PEMT: variants seen among roughly 807,000 people sequenced by gnomAD.
PEMT encodes the protein phospholipid methyltransferase.
A neutral mutation model predicts 27.4 loss-of-function variants in PEMT; 23 were observed. The observed-to-expected ratio is 0.84, with a 90% CI of 0.60 to 1.19. The LOEUF is 1.19. Among genes scored for constraint, PEMT ranks in the 50% most tolerant of loss-of-function variants. The pLI is 0.00. For synonymous variants in PEMT, 137 were observed against 139.1 expected (o/e 0.98, Z 0.11); for missense variants, 307 against 310.1 (o/e 0.99, Z 0.07).
intron 2 of PEMT, among the ~76,000 whole-genome samples, chr17:17,574,979 G>A (rs1217258131): frequency 6.6e-5 from 10 of 152,174 alleles, no homozygotes; most frequent in African/African-American, 2.4e-4. Context: ...CTTCCAGCAG[G>A]GGTCTTTGGC....
intron 3 of PEMT, among the ~76,000 whole-genome samples, chr17:17,519,386 G>C (rs548865452): frequency 6.6e-6 from 1 of 152,242 alleles, no homozygotes; most frequent in Non-Finnish European, 1.5e-5. Flanking sequence ...TCATGGCCCT[G>C]CTGGCTGGGC....
intron 2 of PEMT, chr17:17,565,130 T>G (rs1194121755): frequency 6.6e-6 from 1 of 152,376 alleles, no homozygotes; most frequent in Non-Finnish European, 1.5e-5. Context: ...ACCCTCCTAA[T>G]TGGCTACTTC....
At position 17,512,509 on chromosome 17, in the gene PEMT, C is replaced by A; in HGVS notation, c.466G>T (p.Gly156Cys). The change falls in exon 4 of 7, where the codon GGT becomes TGT. Residue 156 changes from glycine (G) to cysteine (C), a missense_variant and splice_region_variant. By Grantham distance (159) the Gly-to-Cys change is radical. Coordinates refer to ENST00000255389, the MANE Select transcript of PEMT (RefSeq NM_148172.3). This position sits in a 1 kb window ranked among gnomAD's most constrained non-coding sequence, Gnocchi z 6.3. The part of the protein sequence containing the change: ...FALGFAGTFL[G>C]DYFGILKEAR... Reference sequence around the variant, plus strand: ...GTCACCCCAGCCCTCAGGGTCTTACCTAGGAAAGTTCCAGCGAACCCCAGT... The same window carrying A: ...GTCACCCCAGCCCTCAGGGTCTTACATAGGAAAGTTCCAGCGAACCCCAGT... 2 of 1,595,814 alleles carry A rather than the reference C, an allele frequency of 1.3e-6. No individual in the cohort carries two copies. The highest frequency in any genetic ancestry group is 8.5e-7 in the Non-Finnish European group (1 of 1,170,038).
chr17:17,536,722 C>T (rs771315843), intron 2 of PEMT, among the ~76,000 whole-genome samples: 1 of 152,244 alleles, frequency 6.6e-6, no homozygotes, highest in Non-Finnish European at 1.5e-5. Flanking sequence ...GGGCCTGCTA[C>T]ACCTGCCCGT....
chr17:17,510,006 T>G (rs940683596), intron 4 of PEMT, among the ~76,000 whole-genome samples: 1 of 152,160 alleles, frequency 6.6e-6, no homozygotes, highest in Non-Finnish European at 1.5e-5. Flanking sequence ...CCTCTCCCTC[T>G]AGGGGCCTCA....
intron 2 of PEMT, among the ~76,000 whole-genome samples, chr17:17,549,892 T>C (rs1278868341): frequency 6.6e-6 from 1 of 152,100 alleles, no homozygotes; most frequent in Non-Finnish European, 1.5e-5. Flanking sequence ...ACACATTCAG[T>C]CCCTGCAAGT....
intron 1 of PEMT, among the ~76,000 whole-genome samples, chr17:17,588,663 C>T (rs1001828591): frequency 7.2e-5 from 11 of 152,244 alleles, no homozygotes; most frequent in African/African-American, 2.4e-4. Context: ...GAGACCTGGG[C>T]ATGTGCCCTT....
chr17:17,561,609 T>C lies in PEMT; in HGVS notation c.204+15311A>G, dbSNP rs1286123536. Among the ~76,000 whole-genome samples the C allele has an allele frequency of 1.3e-5, 2 of 152,116 alleles. No individual in the cohort carries two copies. The highest frequency in any genetic ancestry group is 2.1e-4 in the South Asian group (1 of 4,828). ...GGCACCATCCCGGCCCTTGCAACAG[T>C]GAGCCAGGCAGCTGTGCCTGGGTCA... On this transcript the variant is annotated intron_variant, in intron 2 of 6. Transcript: ENST00000255389. The surrounding 1 kb of genome is among the most constrained non-coding windows in gnomAD (Gnocchi z 4.5).
At chr17:17,517,257 T>G (rs926762185) in intron 3 of PEMT, among the ~76,000 whole-genome samples, 2 of 152,208 alleles carry the variant, frequency 1.3e-5, no homozygotes, top group Non-Finnish European at 2.9e-5. Context: ...AGTAAGTTTG[T>G]GTGGTTTAAG....
At position 17,561,524 on chromosome 17, in the gene PEMT, G is replaced by A. The variant is rs2142694686; in HGVS notation, c.204+15396C>T. 6.6e-6 allele frequency among the ~76,000 whole-genome samples: 1 copy of A among 152,320 alleles called. No homozygotes were observed. Among genetic ancestry groups the A allele is most frequent in the East Asian group, 1.9e-4 (1 of 5,180 alleles). On this transcript the variant is annotated intron_variant, in intron 2 of 6. Coordinates refer to ENST00000255389, the MANE Select transcript of PEMT (RefSeq NM_148172.3). The surrounding 1 kb of genome is among the most constrained non-coding windows in gnomAD (Gnocchi z 4.5). ...GAAGCGGACGGTAAGGCTGGAGGTA[G>A]GAAGAGGGAACAGACGAGGGTCACT...
At chr17:17,540,518 C>G (rs139073194) in intron 2 of PEMT, among the ~76,000 whole-genome samples, 36 of 152,306 alleles carry the variant, frequency 2.4e-4, no homozygotes, top group African/African-American at 7.9e-4. Context: ...AGGAGAGGAG[C>G]CAGTGAGTCA....
Position 17,561,842 on chromosome 17 carries a change from G to A in PEMT, c.204+15078C>T, listed in dbSNP as rs780208667. ...TTCCACGTGGCTACCTCACGCGGAC[G>A]CCCCACGTGCGGCCTGACCCACAGG... On this transcript the variant is annotated intron_variant, in intron 2 of 6. Transcript: ENST00000255389. The surrounding 1 kb of genome is among the most constrained non-coding windows in gnomAD (Gnocchi z 4.5). Among the ~76,000 whole-genome samples the A allele has an allele frequency of 1.3e-4, 20 of 152,188 alleles. No homozygotes were observed. The highest frequency in any genetic ancestry group is 1.9e-4 in the African/African-American group (8 of 41,442).
chr17:17,574,568 A>T (rs937691100), intron 2 of PEMT, among the ~76,000 whole-genome samples: 1 of 152,034 alleles, frequency 6.6e-6, no homozygotes, highest in African/African-American at 2.4e-5. Context: ...TGATCCACCC[A>T]CCTCAGCCTC....
Position 17,561,362 on chromosome 17 carries a change from C to T in PEMT, c.204+15558G>A, listed in dbSNP as rs947968692. Among the ~76,000 whole-genome samples, 2 of 152,222 alleles carry T rather than the reference C, an allele frequency of 1.3e-5. No individual in the cohort carries two copies. The highest frequency in any genetic ancestry group is 4.8e-5 in the African/African-American group (2 of 41,458). ...TGGCCAGCCACAGCCGGAACCCAAG[C>T]GGTGAGGCTGCAAGCTGGAAGCTAA... is the stretch of plus-strand genomic sequence containing the variant. On this transcript the variant is annotated intron_variant, in intron 2 of 6. Coordinates refer to ENST00000255389, the MANE Select transcript of PEMT (RefSeq NM_148172.3). The surrounding 1 kb of genome is among the most constrained non-coding windows in gnomAD (Gnocchi z 4.5).
intron 1 of PEMT, among the ~76,000 whole-genome samples, chr17:17,583,737 C>A (rs1597967544): frequency 6.6e-6 from 1 of 152,252 alleles, no homozygotes; most frequent in African/African-American, 2.4e-5. Context: ...TTAATGTCAA[C>A]TAATACAGGT....
chr17:17,518,075 C>G (rs1906975248), intron 3 of PEMT: 1 of 985,434 alleles, frequency 1.0e-6, no homozygotes, highest in African/African-American at 1.7e-5. Flanking sequence ...ACAGGAGCCT[C>G]TCCCCTCAGA....
At chr17:17,507,074 C>T (rs1475276749) in intron 5 of PEMT, 17 of 1,198,074 alleles carry the variant, frequency 1.4e-5, no homozygotes, top group South Asian at 2.6e-5. Flanking sequence ...AGCGGCAGCT[C>T]GTCAGTGACG....
chr17:17,576,620 C>G (rs70959687), intron 2 of PEMT, among the ~76,000 whole-genome samples: 207 of 152,310 alleles, frequency 1.4e-3, no homozygotes, highest in African/African-American at 4.8e-3. Flanking sequence ...GCACATGTGA[C>G]CAATGGCAGC....
At chr17:17,584,889 C>T (rs1912161659) in intron 1 of PEMT, among the ~76,000 whole-genome samples, 1 of 152,194 alleles carries the variant, frequency 6.6e-6, no homozygotes, top group Non-Finnish European at 1.5e-5. Context: ...GTAGAGGTGC[C>T]ATGGGACGCC....
Sources: gnomAD v4.1 joint callset for allele counts (sites outside exome capture counted in the v4.1 genomes callset) on GRCh38, gnomAD v4.1.1 for gene constraint, Gnocchi (gnomAD v3.1) non-coding constraint, MANE v1.5 for transcripts, NCBI Gene and HGNC (gene_info 2026-07-23, HGNC 2026-07-21) for gene names.